The following RNFT2 variants were observed in gnomAD, a reference collection of about 807,000 sequenced individuals.
RNFT2 encodes ring finger protein, transmembrane 2, also known as E3 ubiquitin-protein ligase RNFT2.
RNFT2 carries 36 observed loss-of-function variants against 53.0 expected under a neutral mutation model. The ratio of observed to expected loss-of-function variants is 0.68; its 90% CI spans 0.52 to 0.90. The LOEUF is 0.90. Among genes scored for constraint, RNFT2 ranks in the 40% least tolerant of loss-of-function variants. The pLI, the probability that RNFT2 is intolerant of heterozygous loss-of-function variation, is 0.00. For synonymous variants in RNFT2, 260 were observed against 253.2 expected, an observed-to-expected ratio of 1.03 and a Z score of -0.26; for missense variants, 514 against 585.6, an observed-to-expected ratio of 0.88 and a Z score of 1.26.
At chr12:116,774,973 A>C (rs1873363556) in intron 6 of RNFT2, among the ~76,000 whole-genome samples, 1 of 151,694 alleles carries the variant, frequency 6.6e-6, no homozygotes, top group African/African-American at 2.4e-5. Context: ...TTAAGAGAGG[A>C]GCAACAGGCC....
At position 116,852,579 on chromosome 12, in the gene RNFT2, A is replaced by T; in HGVS notation, c.*3131A>T. 1 of 1,612,764 alleles carries T rather than the reference A, an allele frequency of 6.2e-7. No individual in the cohort carries two copies. The highest frequency in any genetic ancestry group is 1.1e-5 in the South Asian group (1 of 90,910). ...CAGCTGCTCTGTTCTCCCTACCCTG[A>T]GGAAAAACCAAAGGGAAGCAACAGG... is the stretch of plus-strand genomic sequence containing the variant. On this transcript the variant is annotated 3_prime_UTR_variant, in exon 11 of 11. Transcript: ENST00000257575.
intron 10 of RNFT2, among the ~76,000 whole-genome samples, chr12:116,838,386 C>T (rs1467024337): frequency 1.3e-5 from 2 of 152,230 alleles, no homozygotes; most frequent in East Asian, 1.9e-4. Flanking sequence ...ATTTCACACA[C>T]ACATGAGCTC....
intron 7 of RNFT2, among the ~76,000 whole-genome samples, chr12:116,830,832 A>AGGCAGAGGTTGCAGCG (rs1876604432): frequency 6.6e-6 from 1 of 151,722 alleles, no homozygotes; most frequent in South Asian, 2.1e-4. Context: ...TGAACCCAAG[A>AGGCAGAGGTTGCAGCG]GGCAGAGGTT....
chr12:116,767,585 T>G (rs1356890834), intron 6 of RNFT2, among the ~76,000 whole-genome samples: 1 of 152,020 alleles, frequency 6.6e-6, no homozygotes, highest in Non-Finnish European at 1.5e-5. Flanking sequence ...TTGTTTGTTT[T>G]TTCTTGTTTT....
intron 7 of RNFT2, among the ~76,000 whole-genome samples, chr12:116,832,140 A>ATAT (rs1555209706): frequency 7.3e-5 from 5 of 68,138 alleles, no homozygotes; most frequent in Admixed American, 2.0e-4. Context: ...CAAAAAAAAA[A>ATAT]AAAAAAAAAT....
At chr12:116,756,569 G>T (rs1313854562) in intron 5 of RNFT2, among the ~76,000 whole-genome samples, 1 of 152,006 alleles carries the variant, frequency 6.6e-6, no homozygotes, top group Non-Finnish European at 1.5e-5. Context: ...TGCTTTTTCT[G>T]CATCTATTGA....
chr12:116,778,659 C>T (rs1289762741), intron 6 of RNFT2, among the ~76,000 whole-genome samples: 1 of 152,162 alleles, frequency 6.6e-6, no homozygotes, highest in Non-Finnish European at 1.5e-5. Flanking sequence ...AGACCAGCCT[C>T]GCCAACATGG....
At chr12:116,744,685 C>G (rs1016740476) in intron 3 of RNFT2, among the ~76,000 whole-genome samples, 1 of 152,220 alleles carries the variant, frequency 6.6e-6, no homozygotes, top group African/African-American at 2.4e-5. Flanking sequence ...AAGTTGGAAG[C>G]ACAGCCTCTG....
At chr12:116,750,777 T>G (rs1872154310) in intron 4 of RNFT2, among the ~76,000 whole-genome samples, 1 of 140,240 alleles carries the variant, frequency 7.1e-6, no homozygotes, top group Admixed American at 7.4e-5. Flanking sequence ...AAACACATTA[T>G]TTTTACTATA....
intron 7 of RNFT2, among the ~76,000 whole-genome samples, chr12:116,781,688 C>T (rs972648056): frequency 2.0e-5 from 3 of 152,230 alleles, no homozygotes; most frequent in Middle Eastern, 3.4e-3. Context: ...GACACTGGCC[C>T]CACCCGAATA....
chr12:116,751,359 C>G (rs1364325910), intron 4 of RNFT2, among the ~76,000 whole-genome samples: 2 of 152,108 alleles, frequency 1.3e-5, no homozygotes, highest in Non-Finnish European at 2.9e-5. Context: ...AGCCTCCTAT[C>G]TGACACATAC....
intron 4 of RNFT2, among the ~76,000 whole-genome samples, chr12:116,750,882 T>A (rs377692395): frequency 0.3 from 345 of 1,154 alleles, 20 homozygotes; most frequent in African/African-American, 0.41. Flanking sequence ...ATATATATAT[T>A]ATATATATAA....
Position 116,750,123 on chromosome 12 carries a change from C to G in RNFT2, c.366C>G (p.Arg122=). The change falls in exon 4 of 11, where the codon CGC becomes CGG. Residue 122 remains arginine (R), a synonymous_variant. Transcript: ENST00000257575. Reference sequence around the variant, plus strand: ...ACCATTTCCACCATGGCGGCCACCGCGGGGGCTCCCTGCTGCAGCACGTGG... The same window carrying G: ...ACCATTTCCACCATGGCGGCCACCGGGGGGGCTCCCTGCTGCAGCACGTGG... ...PHHHFHHGGH[R]GGSLLQHVGG... is the part of the protein sequence containing the mutation. The G allele has an allele frequency of 1.3e-6, 2 of 1,571,754 alleles. No homozygotes were observed. The highest frequency in any genetic ancestry group is 1.7e-6 in the Non-Finnish European group (2 of 1,165,312).
rs149343238 is a variant in RNFT2, at chr12:116,812,321, C to T, written c.883-21471C>T. 2.6e-3 allele frequency among the ~76,000 whole-genome samples: 398 copies of T among 152,190 alleles called. 3 individuals are homozygous for T. The highest frequency in any genetic ancestry group is 8.9e-3 in the African/African-American group (368 of 41,514). ...ACCATAGCAGCCCGACATAAATACA[C>T]GTTGAGTGACAACGCAGAGATGCAG... On this transcript the variant is annotated intron_variant, in intron 7 of 10. Transcript: ENST00000257575.
chr12:116,841,938 TATATATATAAATATATATATAGAG>T (rs1877347254), intron 10 of RNFT2, among the ~76,000 whole-genome samples: 1 of 31,924 alleles, frequency 3.1e-5, no homozygotes, highest in South Asian at 9.5e-4. Flanking sequence ...TATATATAAA[TATATATATAAATATATATATAGAG>T]AGAGAGAGAG....
chr12:116,831,711 A>G (rs1013051878), intron 7 of RNFT2, among the ~76,000 whole-genome samples: 1 of 152,070 alleles, frequency 6.6e-6, no homozygotes, highest in East Asian at 1.9e-4. Context: ...GTTTGATTTT[A>G]TCAGCTTTAT....
At chr12:116,770,544 A>G (rs989709830) in intron 6 of RNFT2, among the ~76,000 whole-genome samples, 2 of 151,996 alleles carry the variant, frequency 1.3e-5, no homozygotes, top group Non-Finnish European at 2.9e-5. Context: ...TTAAGTATGT[A>G]TGTCTTTTTT....
intron 6 of RNFT2, among the ~76,000 whole-genome samples, chr12:116,770,953 CA>C (rs1427042368): frequency 2.0e-5 from 3 of 152,156 alleles, no homozygotes; most frequent in Non-Finnish European, 4.4e-5. Context: ...AGACTACAGC[CA>C]TTCACCCATT....
At position 116,750,953 on chromosome 12, in the gene RNFT2, G is replaced by A. The variant is rs528432098; in HGVS notation, c.550+646G>A. 4.9e-5 allele frequency among the ~76,000 whole-genome samples: 7 copies of A among 144,222 alleles called. No individual in the cohort carries two copies. In the East Asian group the frequency reaches 1.2e-3, roughly 25 times the overall value. The allele number at this position is 144,222 out of a possible 152,430, so 94.6% of individuals were successfully genotyped here. A position where few individuals can be genotyped will look rare whatever the true frequency, so the allele number is the denominator to read the frequency against. On this transcript the variant is annotated intron_variant, in intron 4 of 10. Coordinates refer to ENST00000257575, the MANE Select transcript of RNFT2 (RefSeq NM_001382266.1). ...CTTGCTCTTTCAGCCAGGCTGGAGC[G>A]CAGTGGTGCAGGTCTCAGCTCACTG...
Sources: gnomAD v4.1 joint callset for allele counts (sites outside exome capture counted in the v4.1 genomes callset) on GRCh38, gnomAD v4.1.1 for gene constraint, MANE v1.5 for transcripts, NCBI Gene and HGNC (gene_info 2026-07-23, HGNC 2026-07-21) for gene names.